Variants in PLCB1 observed in about 807,000 individuals in gnomAD.
The protein encoded by PLCB1 is phospholipase C beta 1, also known as 1-phosphatidylinositol 4,5-bisphosphate phosphodiesterase beta-1.
In PLCB1, 46 loss-of-function variants were observed where a neutral mutation model predicts 161.8. The observed-to-expected ratio is 0.28, with a 90% confidence interval of 0.22 to 0.36. The LOEUF (loss-of-function observed/expected upper bound fraction) is 0.36, where lower values mean the gene tolerates loss of function less well. PLCB1 is among the 10% of genes least tolerant of loss of function. The pLI is 1.00. For synonymous variants in PLCB1, 517 were observed against 503.7 expected (o/e 1.03, Z -0.35); for missense variants, 1,016 against 1,472.5 (o/e 0.69, Z 5.07).
At chr20:8,622,420 T>C (rs1988211656) in intron 3 of PLCB1, among the ~76,000 whole-genome samples, 1 of 152,192 alleles carries the variant, frequency 6.6e-6, no homozygotes, top group Non-Finnish European at 1.5e-5. Flanking sequence ...TGATATTCTA[T>C]TGGCTCACTC....
At chr20:8,647,994 C>T in intron 6 of PLCB1, 41 bp downstream of exon 6, 1 of 1,394,142 alleles carries the variant, frequency 7.2e-7, no homozygotes, top group Non-Finnish European at 9.8e-7. Context: ...TTTTATTTTC[C>T]TCAAAGATCT....
At chr20:8,814,555 TC>T (rs1290787948) in intron 31 of PLCB1, among the ~76,000 whole-genome samples, 1 of 150,276 alleles carries the variant, frequency 6.7e-6, no homozygotes, top group African/African-American at 2.5e-5. Flanking sequence ...CATCCACCTA[TC>T]CACCTATGGT....
intron 1 of PLCB1, among the ~76,000 whole-genome samples, chr20:8,133,635 A>T (rs2051315300): frequency 6.6e-6 from 1 of 152,184 alleles, no homozygotes; most frequent in Non-Finnish European, 1.5e-5. Context: ...CACGTAAATT[A>T]GTTATCCAGC....
intron 3 of PLCB1, among the ~76,000 whole-genome samples, chr20:8,554,462 T>A (rs1369481638): frequency 6.6e-6 from 1 of 152,144 alleles, no homozygotes; most frequent in Non-Finnish European, 1.5e-5. Flanking sequence ...AGTCTAGTGA[T>A]GAATCTCAAA....
chr20:8,674,056 C>T (rs1313157472), intron 9 of PLCB1, among the ~76,000 whole-genome samples: 3 of 152,186 alleles, frequency 2.0e-5, no homozygotes, highest in Non-Finnish European at 4.4e-5. Context: ...TCCCTCCCCC[C>T]TTAAATGGGA....
At chr20:8,412,855 G>A (rs1164136443) in intron 3 of PLCB1, among the ~76,000 whole-genome samples, 1 of 150,836 alleles carries the variant, frequency 6.6e-6, no homozygotes, top group African/African-American at 2.4e-5. Context: ...AACACAGCAT[G>A]TTAACGATGC....
chr20:8,814,962 A>G (rs775613882), intron 31 of PLCB1, among the ~76,000 whole-genome samples: 14 of 152,160 alleles, frequency 9.2e-5, no homozygotes, highest in Non-Finnish European at 1.2e-4. Context: ...AGATTCCCCA[A>G]TGAGCAGACT....
intron 3 of PLCB1, among the ~76,000 whole-genome samples, chr20:8,375,645 A>G (rs563808496): frequency 6.6e-6 from 1 of 152,208 alleles, no homozygotes; most frequent in East Asian, 1.9e-4. Flanking sequence ...GCATGTATTG[A>G]GTGCTTAGGG....
At chr20:8,655,651 G>A (rs551667665) in intron 7 of PLCB1, among the ~76,000 whole-genome samples, 1 of 152,162 alleles carries the variant, frequency 6.6e-6, no homozygotes, top group African/African-American at 2.4e-5. Flanking sequence ...TGTACGTTGA[G>A]TGAAGTTGGT....
At chr20:8,268,063 C>T (rs1381735238) in intron 2 of PLCB1, among the ~76,000 whole-genome samples, 1 of 151,940 alleles carries the variant, frequency 6.6e-6, no homozygotes, top group Non-Finnish European at 1.5e-5. Context: ...GTGTGCTGCA[C>T]CCATTAACTC....
chr20:8,403,477 T>A (rs1372946791), intron 3 of PLCB1, among the ~76,000 whole-genome samples: 2 of 152,178 alleles, frequency 1.3e-5, no homozygotes, highest in Non-Finnish European at 2.9e-5. Context: ...GTAAGAAGTG[T>A]TTGGAAATAT....
At chr20:8,376,418 T>G (rs1015576981) in intron 3 of PLCB1, among the ~76,000 whole-genome samples, 3 of 152,198 alleles carry the variant, frequency 2.0e-5, no homozygotes, top group African/African-American at 7.2e-5. Flanking sequence ...TCTTTCCTAA[T>G]CTCTACATAA....
Position 8,515,609 on chromosome 20 carries a change from T to C in PLCB1, c.247-112685T>C, listed in dbSNP as rs560137050. On this transcript the variant is annotated intron_variant, in intron 3 of 31. Coordinates refer to ENST00000338037, the MANE Select transcript of PLCB1 (RefSeq NM_015192.4). The stretch of plus-strand genomic sequence containing the variant: ...TCTACTTCCCACAATCTGGGTCATT[T>C]CCTTGTTTAGTGCCTTGATCAGAAA... Among the ~76,000 whole-genome samples, 71 of 152,330 alleles carry C rather than the reference T, an allele frequency of 4.7e-4. 1 individual carries two copies. The highest frequency in any genetic ancestry group is 1.6e-3 in the African/African-American group (67 of 41,578).
chr20:8,250,282 G>T (rs1981070493), intron 2 of PLCB1, among the ~76,000 whole-genome samples: 1 of 151,922 alleles, frequency 6.6e-6, no homozygotes, highest in Non-Finnish European at 1.5e-5. Flanking sequence ...TACTCCTTTA[G>T]TGTTTCCCAT....
rs537714643 is a variant in PLCB1 at position 8,610,119 on chromosome 20, A to T, written c.247-18175A>T. 3.9e-5 allele frequency among the ~76,000 whole-genome samples: 6 copies of T among 152,236 alleles called. No homozygotes were observed. In the East Asian group the frequency reaches 1.2e-3, roughly 29 times the overall value. ...CCTTTCTGTCTCTATGTGTTTAACT[A>T]TTCTAGAAATTTCATATAAATGGAA... is the stretch of plus-strand genomic sequence containing the variant. On this transcript the variant is annotated intron_variant, in intron 3 of 31. Coordinates refer to ENST00000338037, the MANE Select transcript of PLCB1 (RefSeq NM_015192.4).
intron 3 of PLCB1, among the ~76,000 whole-genome samples, chr20:8,489,288 G>A (rs1489782896): frequency 1.3e-5 from 2 of 152,066 alleles, no homozygotes; most frequent in African/African-American, 4.8e-5. Context: ...AGGACATTGG[G>A]TACAGCTTTA....
At chr20:8,646,758 G>T (rs914355465) in intron 5 of PLCB1, among the ~76,000 whole-genome samples, 1 of 152,194 alleles carries the variant, frequency 6.6e-6, no homozygotes, top group Admixed American at 6.5e-5. Flanking sequence ...GATCACTCTG[G>T]AATTGCCACA....
rs1409250084 is a variant in PLCB1 at position 8,799,103 on chromosome 20, C to T, written c.3423+8842C>T. Among the ~76,000 whole-genome samples the T allele has an allele frequency of 6.6e-5, 10 of 152,248 alleles. No homozygotes were observed. In the East Asian group the frequency reaches 7.7e-4, roughly 12 times the overall value. On this transcript the variant is annotated intron_variant, in intron 31 of 31. Transcript: ENST00000338037. ...TTAAAACTTAGATTCGCATGGATGCCGTTGATTCCTCCCCCTTTTCTTTAC... is the reference window on the plus strand; with the variant it reads ...TTAAAACTTAGATTCGCATGGATGCTGTTGATTCCTCCCCCTTTTCTTTAC...
At chr20:8,683,039 A>G (rs371015703) in intron 9 of PLCB1, among the ~76,000 whole-genome samples, 1 of 152,128 alleles carries the variant, frequency 6.6e-6, no homozygotes, top group East Asian at 1.9e-4. Context: ...ATATTTTATG[A>G]TATAAAAATA....
Sources: gnomAD v4.1 joint callset for allele counts (sites outside exome capture counted in the v4.1 genomes callset) on GRCh38, gnomAD v4.1.1 for gene constraint, MANE v1.5 for transcripts, NCBI Gene and HGNC (gene_info 2026-07-23, HGNC 2026-07-21) for gene names.